The following ANKRD12 variants were observed in gnomAD, a reference collection of about 807,000 sequenced individuals.
The protein encoded by ANKRD12 is ankyrin repeat domain-containing protein 12.
In ANKRD12, 85 loss-of-function variants were observed where a neutral mutation model predicts 183.4. The ratio of observed to expected loss-of-function variants is 0.46; its 90% CI spans 0.39 to 0.56. The LOEUF (loss-of-function observed/expected upper bound fraction) is 0.56, where lower values mean the gene tolerates loss of function less well. ANKRD12 is among the 20% of genes least tolerant of loss of function. The pLI, the probability that ANKRD12 is intolerant of heterozygous loss-of-function variation, is 0.00. For missense variants in ANKRD12, 2,405 were observed against 2,357.1 expected, an observed-to-expected ratio of 1.02 and a Z score of -0.42; for synonymous variants, 914 against 800.2, an observed-to-expected ratio of 1.14 and a Z score of -2.40.
intron 8 of ANKRD12, among the ~76,000 whole-genome samples, chr18:9,230,396 T>C (rs2144855225): frequency 6.6e-6 from 1 of 152,290 alleles, no homozygotes; most frequent in Admixed American, 6.5e-5. Context: ...AGTTTATCTT[T>C]TCAGAGAACT....
chr18:9,243,688 A>T (rs1336825116), intron 8 of ANKRD12, among the ~76,000 whole-genome samples: 1 of 152,258 alleles, frequency 6.6e-6, no homozygotes, highest in Admixed American at 6.5e-5. Flanking sequence ...TAAAGAATAG[A>T]CTAGACATTG....
At chr18:9,212,450 C>G (rs1435689891) in intron 6 of ANKRD12, among the ~76,000 whole-genome samples, 1 of 127,246 alleles carries the variant, frequency 7.9e-6, no homozygotes, top group Non-Finnish European at 1.7e-5. Context: ...GTTCTGCAAC[C>G]TGCCTTAATG....
Position 9,279,255 on chromosome 18 carries a change from C to G in ANKRD12, c.5908-294C>G, listed in dbSNP as rs192367651. The stretch of plus-strand genomic sequence containing the variant: ...AATTGGTTATACAGTAATAATGTCA[C>G]GGGCACAGTACTTAATGTAACATGC... On this transcript the variant is annotated intron_variant, in intron 11 of 12. Coordinates refer to ENST00000262126, the MANE Select transcript of ANKRD12 (RefSeq NM_015208.5). Among the ~76,000 whole-genome samples the G allele has an allele frequency of 2.9e-3, 434 of 152,220 alleles. 2 individuals are homozygous for G. The highest frequency in any genetic ancestry group is 0.017 in the Middle Eastern group (5 of 294).
chr18:9,210,400 C>T (rs1165635990), intron 5 of ANKRD12, among the ~76,000 whole-genome samples: 1 of 151,848 alleles, frequency 6.6e-6, no homozygotes, highest in Non-Finnish European at 1.5e-5. Context: ...CTGTAGGAAA[C>T]TATTACCGAG....
chr18:9,210,288 A>G (rs1462565310), intron 5 of ANKRD12, among the ~76,000 whole-genome samples: 1 of 152,186 alleles, frequency 6.6e-6, no homozygotes, highest in Non-Finnish European at 1.5e-5. Flanking sequence ...TTCAACAAAT[A>G]TTTCTTGAAT....
At chr18:9,218,661 TTTTC>T (rs1361222963) in intron 7 of ANKRD12, among the ~76,000 whole-genome samples, 1 of 140,922 alleles carries the variant, frequency 7.1e-6, no homozygotes, top group African/African-American at 2.4e-5. Flanking sequence ...AACACTTCTT[TTTTC>T]TTTTTTTTTT....
Position 9,281,272 on chromosome 18 carries a change from T to C in ANKRD12, c.*146T>C, listed in dbSNP as rs2040096557. On this transcript the variant is annotated 3_prime_UTR_variant, in exon 13 of 13. Coordinates refer to ENST00000262126, the MANE Select transcript of ANKRD12 (RefSeq NM_015208.5). ...GTTGGTTATGTAGTAAACACTGTCA[T>C]TTTATAAAAAATGAGAATTATTTTG... 1 of 575,810 alleles carries C rather than the reference T, an allele frequency of 1.7e-6. No individual in the cohort carries two copies. Among genetic ancestry groups the C allele is most frequent in the East Asian group, 3.1e-5 (1 of 31,928 alleles). The allele number at this position is 575,810 out of a possible 1,614,324, so 35.7% of individuals were successfully genotyped here. A position where few individuals can be genotyped will look rare whatever the true frequency, so the allele number is the denominator to read the frequency against.
chr18:9,169,095 T>C (rs1360376097), intron 1 of ANKRD12, among the ~76,000 whole-genome samples: 1 of 152,204 alleles, frequency 6.6e-6, no homozygotes, highest in Non-Finnish European at 1.5e-5. Flanking sequence ...CAGTTTGTTA[T>C]AATTTCTGTT....
Position 9,256,953 on chromosome 18 carries a change from A to C in ANKRD12, c.3686A>C (p.Tyr1229Ser). Reference sequence around the variant, plus strand: ...ACAACCCCAAGGCCTCCAGTTGAGTATGACTCTGACTTTATGTTAGAGAGT... The same window carrying C: ...ACAACCCCAAGGCCTCCAGTTGAGTCTGACTCTGACTTTATGTTAGAGAGT... ...TVTTPRPPVE[Y>S]DSDFMLESSE... is the part of the protein sequence containing the mutation. The change falls in exon 9 of 13, where the codon TAT (tyrosine) becomes TCT (serine). Residue 1229 changes from tyrosine to serine, a missense_variant. Physicochemically the swap from Tyr to Ser is moderately radical, Grantham distance 144. Around this residue, in one of 7 missense-constraint regions of ANKRD12, gnomAD observed 1,983 missense variants for 1,725.9 expected, o/e 1.15. Transcript: ENST00000262126. The C allele has an allele frequency of 6.2e-7, 1 of 1,614,128 alleles. No individual in the cohort carries two copies. The highest frequency in any genetic ancestry group is 8.5e-7 in the Non-Finnish European group (1 of 1,180,002).
intron 1 of ANKRD12, among the ~76,000 whole-genome samples, chr18:9,175,854 C>T (rs1050008814): frequency 5.3e-5 from 8 of 152,178 alleles, no homozygotes; most frequent in African/African-American, 1.7e-4. Context: ...AAAGTTCAGC[C>T]TCATCCTATA....
rs764807761 is a variant in ANKRD12, at chr18:9,256,887, T to C, written c.3620T>C (p.Ile1207Thr). ...CTCAGCTCCAGATCTGTATCCATGATTTCTGTTGCTAGTTCAGAAGATTCC... is the reference window on the plus strand; with the variant it reads ...CTCAGCTCCAGATCTGTATCCATGACTTCTGTTGCTAGTTCAGAAGATTCC... The part of the protein sequence containing the change: ...PGLSSRSVSM[I>T]SVASSEDSCH... Residue 1207 changes from isoleucine to threonine, a missense_variant, in exon 9 of 13, where the codon ATT becomes ACT. Around this residue, in one of 7 missense-constraint regions of ANKRD12, gnomAD observed 1,983 missense variants for 1,725.9 expected, o/e 1.15. Coordinates refer to ENST00000262126, the MANE Select transcript of ANKRD12 (RefSeq NM_015208.5). 6.2e-7 allele frequency: 1 copy of C among 1,613,984 alleles called. No homozygotes were observed. The highest frequency in any genetic ancestry group is 8.5e-7 in the Non-Finnish European group (1 of 1,179,962).
intron 11 of ANKRD12, among the ~76,000 whole-genome samples, chr18:9,278,630 C>G (rs1221421141): frequency 6.6e-6 from 1 of 152,158 alleles, no homozygotes; most frequent in Non-Finnish European, 1.5e-5. Flanking sequence ...AACCACATCT[C>G]TAGTAAAAAT....
chr18:9,163,656 T>C (rs1452042688), intron 1 of ANKRD12, among the ~76,000 whole-genome samples: 5 of 152,210 alleles, frequency 3.3e-5, no homozygotes, highest in African/African-American at 1.2e-4. Context: ...TGATTCTTCC[T>C]GTCCATGAGC....
At position 9,254,229 on chromosome 18, in the gene ANKRD12, C is replaced by A; in HGVS notation, c.962C>A (p.Ser321Tyr). 2 of 1,571,640 alleles carry A rather than the reference C, an allele frequency of 1.3e-6. No homozygotes were observed. Among genetic ancestry groups the A allele is most frequent in the Non-Finnish European group, 1.7e-6 (2 of 1,163,612 alleles). Residue 321 changes from serine to tyrosine, a missense_variant, in exon 9 of 13, where the codon TCT becomes TAT. Ser to Tyr is a moderately radical substitution (Grantham distance 144). This residue lies in a region of ANKRD12 where 1,983 missense variants were observed against 1,725.9 expected (regional missense o/e 1.15). Coordinates refer to ENST00000262126, the MANE Select transcript of ANKRD12 (RefSeq NM_015208.5). Reference sequence around the variant, plus strand: ...ATTCTAGATTCCGAAGAGGCTCAATCTGTAAATCCTTCTAGTGTTGATGAA... The same window carrying A: ...ATTCTAGATTCCGAAGAGGCTCAATATGTAAATCCTTCTAGTGTTGATGAA... The part of the protein sequence containing the change: ...ESYTDSEEAQ[S>Y]VNPSSVDENI...
intron 3 of ANKRD12, among the ~76,000 whole-genome samples, chr18:9,198,525 T>C (rs1456792919): frequency 2.6e-5 from 4 of 152,056 alleles, no homozygotes; most frequent in Non-Finnish European, 5.9e-5. Flanking sequence ...CTGACTAATT[T>C]TTTCTTTGGG....
At chr18:9,219,641 AC>A (rs1356320352) in intron 7 of ANKRD12, among the ~76,000 whole-genome samples, 5 of 151,894 alleles carry the variant, frequency 3.3e-5, no homozygotes, top group Admixed American at 1.3e-4. Context: ...AAATATAAAA[AC>A]TATTCTTAGC....
At chr18:9,247,655 A>G (rs1025298701) in intron 8 of ANKRD12, among the ~76,000 whole-genome samples, 7 of 152,286 alleles carry the variant, frequency 4.6e-5, no homozygotes, top group East Asian at 1.9e-4. Flanking sequence ...CTTTTAATCT[A>G]TAGATATTCC....
chr18:9,211,932 A>G lies in ANKRD12; in HGVS notation c.652+148A>G, dbSNP rs185385903. ...ATTACAAAACTTTTGGAGTTCGTAC[A>G]TAAAACCCCTGATTTCTACTACAAT... On this transcript the variant is annotated intron_variant, in intron 6 of 12. Transcript: ENST00000262126. 8.8e-5 allele frequency: 57 copies of G among 649,276 alleles called. No individual in the cohort carries two copies. The African/African-American group carries it at 1.0e-3, about 12-fold the overall frequency. The allele number at this position is 649,276 out of a possible 1,614,324, so 40.2% of individuals were successfully genotyped here.
chr18:9,248,809 T>A (rs2038115133), intron 8 of ANKRD12, among the ~76,000 whole-genome samples: 1 of 152,208 alleles, frequency 6.6e-6, no homozygotes, highest in Non-Finnish European at 1.5e-5. Flanking sequence ...AAATAGCATA[T>A]CTGTGCTCCG....
Sources: allele counts gnomAD v4.1 joint callset (sites outside exome capture counted in the v4.1 genomes callset), GRCh38; gene constraint gnomAD v4.1.1; regional missense constraint gnomAD v4.1.1; transcripts MANE v1.5; gene names NCBI Gene and HGNC (gene_info 2026-07-23, HGNC 2026-07-21).